Variants in RAP1GDS1 observed in about 807,000 individuals in gnomAD.
RAP1GDS1 encodes Rap1 GTPase-GDP dissociation stimulator 1.
A neutral mutation model predicts 71.1 loss-of-function variants in RAP1GDS1; 35 were observed. The ratio of observed to expected loss-of-function variants is 0.49; its 90% CI spans 0.38 to 0.65. The LOEUF (loss-of-function observed/expected upper bound fraction) is 0.65, where lower values mean the gene tolerates loss of function less well. Ranked by LOEUF, RAP1GDS1 falls within the 30% of genes least tolerant of loss-of-function variation. RAP1GDS1 has a pLI of 0.00. For synonymous variants in RAP1GDS1, 229 were observed against 243.1 expected, an observed-to-expected ratio of 0.94 and a Z score of 0.54; for missense variants, 663 against 706.1, an observed-to-expected ratio of 0.94 and a Z score of 0.69.
At chr4:98,315,848 A>G (rs986374732) in intron 2 of RAP1GDS1, among the ~76,000 whole-genome samples, 1 of 152,308 alleles carries the variant, frequency 6.6e-6, no homozygotes, top group Middle Eastern at 3.4e-3. Context: ...GTGTGTTGAC[A>G]GTGCTGGAGA....
chr4:98,276,242 C>G (rs1475244946), intron 1 of RAP1GDS1, among the ~76,000 whole-genome samples: 1 of 152,086 alleles, frequency 6.6e-6, no homozygotes, highest in Non-Finnish European at 1.5e-5. Flanking sequence ...CTCTAATGAC[C>G]TAATCACCTC....
At chr4:98,428,274 T>G (rs1749906141) in intron 12 of RAP1GDS1, among the ~76,000 whole-genome samples, 1 of 152,104 alleles carries the variant, frequency 6.6e-6, no homozygotes, top group South Asian at 2.1e-4. Context: ...AAAAAGCCCC[T>G]TCTAGATGTT....
chr4:98,373,243 A>G lies in RAP1GDS1; in HGVS notation c.362-5774A>G, dbSNP rs561005603. Among the ~76,000 whole-genome samples, 5 of 152,300 alleles carry G rather than the reference A, an allele frequency of 3.3e-5. No individual in the cohort carries two copies. The South Asian group carries it at 1.0e-3, about 32-fold the overall frequency. Reference sequence around the variant, plus strand: ...ATATTTTCACTGGGTGTAGAATTCTAGGTTGGACTTTAAAGATGTTACTTC... The same window carrying G: ...ATATTTTCACTGGGTGTAGAATTCTGGGTTGGACTTTAAAGATGTTACTTC... On this transcript the variant is annotated intron_variant, in intron 4 of 14. Transcript: ENST00000408927.
intron 12 of RAP1GDS1, among the ~76,000 whole-genome samples, chr4:98,431,245 A>G (rs1012476380): frequency 1.3e-5 from 2 of 152,224 alleles, no homozygotes; most frequent in Non-Finnish European, 2.9e-5. Context: ...GGCTTTGATG[A>G]TACAATCTTG....
At chr4:98,301,629 AGAG>A (rs1325551394) in intron 2 of RAP1GDS1, among the ~76,000 whole-genome samples, 1 of 152,202 alleles carries the variant, frequency 6.6e-6, no homozygotes, top group Non-Finnish European at 1.5e-5. Flanking sequence ...CACATGGACA[AGAG>A]GAGAGGGAAA....
At chr4:98,417,109 A>G (rs940060110) in intron 8 of RAP1GDS1, among the ~76,000 whole-genome samples, 4 of 152,210 alleles carry the variant, frequency 2.6e-5, no homozygotes, top group African/African-American at 9.7e-5. Context: ...AAGAGCTGTC[A>G]CATAGAAGAG....
intron 2 of RAP1GDS1, among the ~76,000 whole-genome samples, chr4:98,305,109 C>T (rs1190306696): frequency 6.6e-6 from 1 of 152,100 alleles, no homozygotes; most frequent in Non-Finnish European, 1.5e-5. Flanking sequence ...CATGACGCCT[C>T]TAGCTTTGTT....
intron 1 of RAP1GDS1, among the ~76,000 whole-genome samples, chr4:98,287,587 A>T (rs2110267414): frequency 6.6e-6 from 1 of 152,304 alleles, no homozygotes. Context: ...ATGTTAAAGT[A>T]ATAAATTCAT....
chr4:98,349,912 T>G (rs1736912834), intron 3 of RAP1GDS1, among the ~76,000 whole-genome samples: 1 of 152,180 alleles, frequency 6.6e-6, no homozygotes, highest in Admixed American at 6.5e-5. Flanking sequence ...ACTACCACTC[T>G]TTGTTTAAAA....
At chr4:98,418,517 T>G (rs1252405421) in intron 9 of RAP1GDS1, 140 bp from the exon 10 acceptor site, 1 of 833,146 alleles carries the variant, frequency 1.2e-6, no homozygotes, top group Non-Finnish European at 1.7e-6. Flanking sequence ...AACCTATAAA[T>G]CTGATGGGAG....
At chr4:98,334,045 C>T (rs1432436784) in intron 2 of RAP1GDS1, among the ~76,000 whole-genome samples, 1 of 152,026 alleles carries the variant, frequency 6.6e-6, no homozygotes, top group Non-Finnish European at 1.5e-5. Flanking sequence ...AGTTTTAAAA[C>T]CAGCTTATTT....
rs116033573 is a variant in RAP1GDS1 at position 98,431,095 on chromosome 4, A to G, written c.1441-2841A>G. Among the ~76,000 whole-genome samples, 566 of 152,356 alleles carry G rather than the reference A, an allele frequency of 3.7e-3. 1 individual carries two copies. The highest frequency in any genetic ancestry group is 0.014 in the Middle Eastern group (4 of 294). On this transcript the variant is annotated intron_variant, in intron 12 of 14. Coordinates refer to ENST00000408927, the MANE Select transcript of RAP1GDS1 (RefSeq NM_001100427.2). ...ACCAGGAATATAAAAACTCCCTGCT[A>G]TCAAAGCCAGCACTTTTCTTTAACC... is the stretch of plus-strand genomic sequence containing the variant.
intron 6 of RAP1GDS1, chr4:98,392,305 T>G (rs1418739147): frequency 2.6e-6 from 1 of 384,976 alleles, no homozygotes; most frequent in African/African-American, 2.1e-5. Context: ...ATTTTACATA[T>G]TAATGTTTAA....
intron 2 of RAP1GDS1, among the ~76,000 whole-genome samples, chr4:98,303,535 G>A (rs1233648771): frequency 6.6e-6 from 1 of 150,656 alleles, no homozygotes; most frequent in African/African-American, 2.4e-5. Flanking sequence ...TGGATTGTGG[G>A]TAGTAGCTGA....
At chr4:98,282,325 T>C (rs1028132883) in intron 1 of RAP1GDS1, among the ~76,000 whole-genome samples, 1 of 152,076 alleles carries the variant, frequency 6.6e-6, no homozygotes, top group African/African-American at 2.4e-5. Context: ...GCTCCTTCCT[T>C]GTTTAGTCTT....
At chr4:98,270,412 A>G (rs1430413094) in intron 1 of RAP1GDS1, among the ~76,000 whole-genome samples, 1 of 152,160 alleles carries the variant, frequency 6.6e-6, no homozygotes, top group Non-Finnish European at 1.5e-5. Flanking sequence ...TAGTGTTCAA[A>G]TGGTAATGTA....
At chr4:98,314,771 A>T (rs181358853) in intron 2 of RAP1GDS1, among the ~76,000 whole-genome samples, 24 of 152,322 alleles carry the variant, frequency 1.6e-4, no homozygotes, top group Non-Finnish European at 2.9e-4. Flanking sequence ...AGTGTTGTAG[A>T]AACAGAGATA....
chr4:98,268,834 A>G (rs1482205880), intron 1 of RAP1GDS1, among the ~76,000 whole-genome samples: 1 of 152,156 alleles, frequency 6.6e-6, no homozygotes, highest in Non-Finnish European at 1.5e-5. Flanking sequence ...CAGATATCCC[A>G]TATTCATAAA....
At chr4:98,393,632 T>C (rs1161461681) in intron 6 of RAP1GDS1, among the ~76,000 whole-genome samples, 1 of 152,204 alleles carries the variant, frequency 6.6e-6, no homozygotes, top group African/African-American at 2.4e-5. Context: ...GCAGGTACTT[T>C]GCTGTTACAT....
Sources: gnomAD v4.1 joint callset for allele counts (sites outside exome capture counted in the v4.1 genomes callset) on GRCh38, gnomAD v4.1.1 for gene constraint, MANE v1.5 for transcripts, NCBI Gene and HGNC (gene_info 2026-07-23, HGNC 2026-07-21) for gene names.